SPINK5: variants seen among roughly 807,000 people sequenced by gnomAD.
SPINK5 encodes serine protease inhibitor Kazal-type 5.
SPINK5 carries 125 observed loss-of-function variants against 151.8 expected under a neutral mutation model. That is an observed-to-expected ratio of 0.82 (90% CI 0.71 to 0.96). The LOEUF is 0.96. Ranked by LOEUF, SPINK5 falls within the 40% of genes least tolerant of loss-of-function variation. SPINK5 has a pLI of 0.00. For missense variants in SPINK5, 1,194 were observed against 1,291.9 expected (o/e 0.92, Z 1.16); for synonymous variants, 374 against 395.3 (o/e 0.95, Z 0.64).
intron 4 of SPINK5, among the ~76,000 whole-genome samples, chr5:148,081,808 T>A (rs553884106): frequency 4.0e-5 from 6 of 151,888 alleles, no homozygotes; most frequent in African/African-American, 1.4e-4. Flanking sequence ...TTTCAGTTCA[T>A]ATGATTGTAA....
chr5:148,094,653 T>C (rs1179227233), intron 9 of SPINK5, among the ~76,000 whole-genome samples, 172 bp downstream of exon 9: 1 of 151,994 alleles, frequency 6.6e-6, no homozygotes, highest in African/African-American at 2.4e-5. Context: ...CTACTGATGT[T>C]TGTCTATTTC....
intron 3 of SPINK5, 37 bp from the exon 4 acceptor site, chr5:148,072,111 C>T: frequency 1.3e-6 from 2 of 1,591,038 alleles, no homozygotes; most frequent in South Asian, 2.2e-5. Flanking sequence ...GTTGAGCAAA[C>T]AATGTTTAAA....
intron 15 of SPINK5, among the ~76,000 whole-genome samples, chr5:148,104,390 T>C (rs1427157750): frequency 6.6e-6 from 1 of 152,198 alleles, no homozygotes; most frequent in Non-Finnish European, 1.5e-5. Flanking sequence ...GAAAGTACTA[T>C]TGCAGTACAT....
intron 25 of SPINK5, 48 bp downstream of exon 25, chr5:148,120,184 A>G (rs764679335): frequency 2.5e-6 from 4 of 1,613,776 alleles, no homozygotes; most frequent in Non-Finnish European, 2.5e-6. Flanking sequence ...TTAAAGTACA[A>G]TAATCATTTC....
chr5:148,112,739 T>C, intron 19 of SPINK5, 129 bp from the exon 20 acceptor site: 2 of 1,462,328 alleles, frequency 1.4e-6, no homozygotes, highest in Non-Finnish European at 1.9e-6. Context: ...TGTGTTTACC[T>C]TTCCACTCCA....
intron 4 of SPINK5, among the ~76,000 whole-genome samples, chr5:148,073,857 CACACAA>C (rs1458617619): frequency 1.7e-5 from 2 of 118,238 alleles, no homozygotes; most frequent in Non-Finnish European, 3.6e-5. Flanking sequence ...CACACACACA[CACACAA>C]AACTGTAAAA....
intron 18 of SPINK5, among the ~76,000 whole-genome samples, chr5:148,111,025 C>A (rs1006930625): frequency 6.6e-6 from 1 of 151,986 alleles, no homozygotes; most frequent in Non-Finnish European, 1.5e-5. Flanking sequence ...ATAACATAAA[C>A]TTCTTATCTT....
intron 4 of SPINK5, among the ~76,000 whole-genome samples, chr5:148,084,474 T>C (rs1753101992): frequency 6.6e-6 from 1 of 151,862 alleles, no homozygotes; most frequent in Admixed American, 6.6e-5. Flanking sequence ...GATGGAGTCA[T>C]ATATCCTTGC....
chr5:148,102,055 C>T (rs1241651130), intron 15 of SPINK5, 147 bp downstream of exon 15: 4 of 1,144,648 alleles, frequency 3.5e-6, no homozygotes, highest in Non-Finnish European at 2.5e-6. Flanking sequence ...TAAAAACAAA[C>T]AACAGCAACA....
At chr5:148,116,937 T>C (rs542232856) in intron 22 of SPINK5, among the ~76,000 whole-genome samples, 4 of 152,322 alleles carry the variant, frequency 2.6e-5, no homozygotes, top group South Asian at 2.1e-4. Context: ...AGTAAATTAC[T>C]TCCTCTCACT....
chr5:148,123,998 G>A (rs1561704447), intron 27 of SPINK5, 38 bp downstream of exon 27: 1 of 1,611,676 alleles, frequency 6.2e-7, no homozygotes, highest in Non-Finnish European at 8.5e-7. Flanking sequence ...TGATAGTTGT[G>A]CCTGTTTGCT....
At chr5:148,069,208 A>C (rs1405005221) in intron 2 of SPINK5, among the ~76,000 whole-genome samples, 2 of 151,996 alleles carry the variant, frequency 1.3e-5, no homozygotes, top group Admixed American at 1.3e-4. Context: ...GCTCCTAAAA[A>C]AGAATGAGTG....
At chr5:148,070,191 T>A (rs1752699561) in intron 2 of SPINK5, 132 bp from the exon 3 acceptor site, 1 of 1,035,872 alleles carries the variant, frequency 9.7e-7, no homozygotes, top group Admixed American at 2.4e-5. Context: ...TTTACATACT[T>A]AATCTTCAAA....
Position 148,111,888 on chromosome 5 carries a change from G to C in SPINK5, c.1813G>C (p.Ala605Pro), listed in dbSNP as rs1753942317. ...CGGCAACACCTGCTCCATGTGTGAA[G>C]CCTTCTTGTGAGTGGGCGGCAGCCA... ...IHGNTCSMCE[A>P]FFQQEAKEKE... The change falls in exon 19 of 33, where the codon GCC (alanine) becomes CCC (proline). Residue 605 changes from alanine to proline, a missense_variant. Coordinates refer to ENST00000256084, the MANE Select transcript of SPINK5 (RefSeq NM_006846.4). 1 of 1,613,850 alleles carries C rather than the reference G, an allele frequency of 6.2e-7. No individual in the cohort carries two copies. Among genetic ancestry groups the C allele is most frequent in the African/African-American group, 1.3e-5 (1 of 74,910 alleles).
Position 148,133,854 on chromosome 5 carries a change from C to T in SPINK5, c.3153C>T (p.Thr1051=), listed in dbSNP as rs751998226. The change falls in exon 32 of 33, where the codon ACC becomes ACT. Residue 1051 remains threonine (T), a synonymous_variant. Transcript: ENST00000256084. ...CAGGGAAGTGTGAGGAGAGCAGCAC[C>T]CCAGGAACCACCGCAGCCAGCATGC... The part of the protein sequence containing the change: ...RSTGKCEESS[T]PGTTAASMPP... 2 of 1,613,852 alleles carry T rather than the reference C, an allele frequency of 1.2e-6. No homozygotes were observed. The highest frequency in any genetic ancestry group is 1.7e-5 in the Admixed American group (1 of 59,976).
At chr5:148,119,913 G>A in intron 24 of SPINK5, 96 bp from the exon 25 acceptor site, 1 of 1,430,262 alleles carries the variant, frequency 7.0e-7, no homozygotes, top group Non-Finnish European at 9.7e-7. Context: ...AGGTTACATG[G>A]CTGCCTGACT....
chr5:148,125,796 A>G lies in SPINK5; in HGVS notation c.2813A>G (p.His938Arg). ...LICPRENDPV[H>R]GADGKFYTNK... ...TGCCCTAGAGAGAATGACCCAGTGC[A>G]CGGTGCTGATGGAAAGTTCTATACA... Residue 938 changes from histidine (H) to arginine (R), a missense_variant, in exon 29 of 33, where the codon CAC (histidine) becomes CGC (arginine). Physicochemically the swap from His to Arg is conservative, Grantham distance 29. Transcript: ENST00000256084. The G allele has an allele frequency of 6.2e-7, 1 of 1,614,240 alleles. No homozygotes were observed. Among genetic ancestry groups the G allele is most frequent in the South Asian group, 1.1e-5 (1 of 91,088 alleles).
At chr5:148,107,628 T>C (rs1371411259) in intron 17 of SPINK5, among the ~76,000 whole-genome samples, 1 of 152,192 alleles carries the variant, frequency 6.6e-6, no homozygotes, top group African/African-American at 2.4e-5. Context: ...TTGTTATTTA[T>C]CCTTTCAAGG....
chr5:148,091,859 A>T (rs1444819469), intron 8 of SPINK5, among the ~76,000 whole-genome samples: 1 of 151,826 alleles, frequency 6.6e-6, no homozygotes, highest in Non-Finnish European at 1.5e-5. Context: ...TAATTATTCA[A>T]TCTAGTATAA....
Sources: allele counts gnomAD v4.1 joint callset (sites outside exome capture counted in the v4.1 genomes callset), GRCh38; gene constraint gnomAD v4.1.1; transcripts MANE v1.5; gene names NCBI Gene and HGNC (gene_info 2026-07-23, HGNC 2026-07-21).